The following LRRC74B variants were observed in gnomAD, a reference collection of about 807,000 sequenced individuals.
LRRC74B encodes the protein leucine-rich repeat-containing protein 74B.
In LRRC74B, 30 loss-of-function variants were observed where a neutral mutation model predicts 16.6. That is an observed-to-expected ratio of 1.80 (90% confidence interval 1.35 to 2.45). The LOEUF (loss-of-function observed/expected upper bound fraction) is 2.45, where lower values mean the gene tolerates loss of function less well. Among genes scored for constraint, LRRC74B ranks in the 30% most tolerant of loss-of-function variants. The pLI, the probability that LRRC74B is intolerant of heterozygous loss-of-function variation, is 0.00. For missense variants in LRRC74B, 326 were observed against 202.4 expected (o/e 1.61, Z -3.71); for synonymous variants, 134 against 86.0 (o/e 1.56, Z -3.09).
chr22:21,055,855 A>G (rs538046129), intron 7 of LRRC74B, among the ~76,000 whole-genome samples: 4 of 152,180 alleles, frequency 2.6e-5, no homozygotes, highest in Non-Finnish European at 5.9e-5. Flanking sequence ...CCTCGTAGAC[A>G]GTCCTCTAAA....
At chr22:21,063,443 A>T, downstream of LRRC74B, 1 of 151,910 alleles carries the variant, frequency 6.6e-6, no homozygotes, top group Admixed American at 6.6e-5. Flanking sequence ...TCACGCCTGT[A>T]GACTCAGGAG....
downstream of LRRC74B, chr22:21,060,680 C>A (rs574525686): frequency 1.9e-5 from 11 of 572,778 alleles, no homozygotes; most frequent in East Asian, 3.1e-4. Flanking sequence ...CACACCTGTA[C>A]CCTCCTCTGT....
At chr22:21,057,059 C>G (rs1217294753) in intron 7 of LRRC74B, 46 bp from the exon 8 acceptor site, 4 of 714,874 alleles carry the variant, frequency 5.6e-6, no homozygotes, top group Admixed American at 2.0e-5. Context: ...TGCTCTCTGG[C>G]CTTCCCGGAC....
At chr22:21,055,149 G>C (rs1930404212) in exon 7 of LRRC74B, 1 of 716,870 alleles carries the variant, frequency 1.4e-6, no homozygotes, top group South Asian at 1.5e-5. Flanking sequence ...TGGGCCTCCG[G>C]GTCAACCAGA....
chr22:21,048,335 G>A (rs1465791554), intron 3 of LRRC74B: 1 of 352,660 alleles, frequency 2.8e-6, no homozygotes, highest in African/African-American at 2.1e-5. Context: ...TCCACACAGA[G>A]AGGTGGGAGT....
At chr22:21,047,937 G>A (rs757538027) in exon 3 of LRRC74B, 44 of 717,284 alleles carry the variant, frequency 6.1e-5, no homozygotes, top group Admixed American at 6.0e-5. Flanking sequence ...TCAAGCGGCT[G>A]GACCTTCGAG....
chr22:21,052,640 T>TCACC (rs139023725), intron 5 of LRRC74B, among the ~76,000 whole-genome samples: 21,148 of 152,124 alleles, frequency 0.14, 1,541 homozygotes, highest in East Asian at 0.26. Context: ...CTGTGCAGTC[T>TCACC]GGTGACACAT....
intron 1 of LRRC74B, 73 bp from the exon 2 acceptor site, chr22:21,047,283 G>T: frequency 3.0e-6 from 2 of 666,900 alleles, no homozygotes; most frequent in South Asian, 3.4e-5. Flanking sequence ...GCCAGGTAGT[G>T]ACACAGGGCA....
intron 4 of LRRC74B, among the ~76,000 whole-genome samples, chr22:21,050,594 C>T (rs1373739166): frequency 5.3e-5 from 8 of 151,384 alleles, no homozygotes; most frequent in Non-Finnish European, 7.4e-5. Context: ...CTGGATAACA[C>T]GGTGAAATGC....
chr22:21,061,644 G>A (rs181021121), downstream of LRRC74B: 7 of 152,170 alleles, frequency 4.6e-5, no homozygotes, highest in East Asian at 1.9e-4. Flanking sequence ...AAATCAATCA[G>A]TCAATCACAT....
intron 8 of LRRC74B, among the ~76,000 whole-genome samples, chr22:21,057,436 T>C (rs1930601072): frequency 2.0e-5 from 3 of 151,816 alleles, no homozygotes. Flanking sequence ...GGTTCTTCAT[T>C]GGCTGAGAGA....
chr22:21,048,090 G>C, intron 3 of LRRC74B, 74 bp downstream of exon 3: 1 of 707,502 alleles, frequency 1.4e-6, no homozygotes, highest in Non-Finnish European at 2.6e-6. Flanking sequence ...ATCGTTGAAA[G>C]CTGGGCCGTG....
At chr22:21,056,310 T>C (rs759129448) in intron 7 of LRRC74B, among the ~76,000 whole-genome samples, 7 of 152,098 alleles carry the variant, frequency 4.6e-5, no homozygotes, top group Non-Finnish European at 1.0e-4. Flanking sequence ...GAGCCCAGAC[T>C]GACCAACATG....
downstream of LRRC74B, chr22:21,062,043 A>G (rs1037037054): frequency 6.6e-6 from 1 of 152,250 alleles, no homozygotes; most frequent in African/African-American, 2.4e-5. Flanking sequence ...AAGGAAAAGG[A>G]CGGACACATG....
downstream of LRRC74B, chr22:21,062,951 A>G (rs1258244335): frequency 2.6e-5 from 4 of 151,668 alleles, no homozygotes; most frequent in East Asian, 7.8e-4. Context: ...GGATCACTCA[A>G]ACCTGGGAGT....
intron 4 of LRRC74B, among the ~76,000 whole-genome samples, chr22:21,050,517 G>A (rs1301493442): frequency 6.6e-6 from 1 of 151,466 alleles, no homozygotes; most frequent in Non-Finnish European, 1.5e-5. Context: ...GGTGGCTCAC[G>A]CCTGTAATCC....
At chr22:21,049,572 A>G in intron 4 of LRRC74B, 1 of 171,908 alleles carries the variant, frequency 5.8e-6, no homozygotes, top group Non-Finnish European at 1.2e-5. Context: ...TTAAGCTGAA[A>G]TGTGCAGGGT....
chr22:21,058,006 C>T (rs1341965664), intron 8 of LRRC74B, among the ~76,000 whole-genome samples: 1 of 151,554 alleles, frequency 6.6e-6, no homozygotes, highest in Non-Finnish European at 1.5e-5. Context: ...CTACCTCAGC[C>T]TCCTGAGTAG....
intron 1 of LRRC74B, among the ~76,000 whole-genome samples, chr22:21,046,638 T>A (rs1158876674): frequency 2.6e-5 from 4 of 151,564 alleles, no homozygotes; most frequent in Non-Finnish European, 5.9e-5. Flanking sequence ...ATAAATAAAT[T>A]ATTTATTTAT....
Sources: gnomAD v4.1 joint callset for allele counts (sites outside exome capture counted in the v4.1 genomes callset) on GRCh38, gnomAD v4.1.1 for gene constraint, MANE v1.5 for transcripts, NCBI Gene and HGNC (gene_info 2026-07-23, HGNC 2026-07-21) for gene names.